FER: variants seen among roughly 807,000 people sequenced by gnomAD.
FER encodes FER tyrosine kinase.
FER carries 63 observed loss-of-function variants against 111.0 expected under a neutral mutation model. The observed-to-expected ratio is 0.57, with a 90% CI of 0.46 to 0.70. The LOEUF is 0.70. Ranked by LOEUF, FER falls within the 30% of genes least tolerant of loss-of-function variation. The pLI, the probability that FER is intolerant of heterozygous loss-of-function variation, is 0.00. For synonymous variants in FER, 327 were observed against 313.9 expected (o/e 1.04, Z -0.44); for missense variants, 914 against 954.0 (o/e 0.96, Z 0.55).
intron 17 of FER, among the ~76,000 whole-genome samples, chr5:109,145,847 G>C (rs1009600101): frequency 6.6e-6 from 1 of 151,624 alleles, no homozygotes; most frequent in African/African-American, 2.4e-5. Context: ...TTAAGGCCTT[G>C]AGTAGATGTG....
intron 17 of FER, among the ~76,000 whole-genome samples, chr5:109,157,675 T>C (rs796175516): frequency 2.6e-4 from 40 of 152,326 alleles, no homozygotes; most frequent in African/African-American, 8.9e-4. Context: ...TATGGAATTT[T>C]CATTATTTCT....
At chr5:109,100,299 A>G (rs1748070826) in intron 16 of FER, 97 bp from the exon 17 acceptor site, 3 of 1,456,884 alleles carry the variant, frequency 2.1e-6, no homozygotes, top group South Asian at 2.4e-5. Flanking sequence ...TGTGTAATGC[A>G]TTTTGCTCTG....
intron 17 of FER, among the ~76,000 whole-genome samples, chr5:109,129,975 G>A (rs1279968498): frequency 1.3e-5 from 2 of 151,782 alleles, no homozygotes; most frequent in South Asian, 4.2e-4. Context: ...GTTGTAGTAT[G>A]CTGTAATTTT....
chr5:109,002,508 A>G (rs1300945061), intron 13 of FER, among the ~76,000 whole-genome samples: 3 of 152,034 alleles, frequency 2.0e-5, no homozygotes, highest in Admixed American at 1.3e-4. Context: ...TAGACCTAAA[A>G]CCATAAAAAC....
Position 109,186,358 on chromosome 5 carries a change from C to T in FER, c.2326+36C>T, listed in dbSNP as rs188686272. On this transcript the variant is annotated intron_variant, in intron 19 of 19. Coordinates refer to ENST00000281092, the MANE Select transcript of FER (RefSeq NM_005246.4). ...TACATTCATTGTTAGTGTTCATGTC[C>T]AGCCCCAGGGGTAGGCAGTGCTTAT... 3.3e-3 allele frequency: 5,387 copies of T among 1,613,862 alleles called. 18 individuals carry two copies. Among genetic ancestry groups the T allele is most frequent in the Non-Finnish European group, 3.9e-3 (4,574 of 1,179,866 alleles).
At chr5:108,857,218 T>A (rs2150204115) in intron 5 of FER, among the ~76,000 whole-genome samples, 1 of 152,278 alleles carries the variant, frequency 6.6e-6, no homozygotes, top group East Asian at 1.9e-4. Context: ...TTGTCATATC[T>A]TTTTAGTTGC....
chr5:109,170,551 A>G (rs961268864), intron 17 of FER, among the ~76,000 whole-genome samples: 3 of 152,148 alleles, frequency 2.0e-5, no homozygotes, highest in Admixed American at 2.0e-4. Context: ...AAAGACATCT[A>G]TGCCTCTGAG....
intron 10 of FER, among the ~76,000 whole-genome samples, chr5:108,925,173 T>C (rs1474292599): frequency 6.6e-6 from 1 of 151,222 alleles, no homozygotes; most frequent in African/African-American, 2.4e-5. Flanking sequence ...TCCTCAAATA[T>C]TCAACAAAGA....
intron 2 of FER, among the ~76,000 whole-genome samples, chr5:108,792,155 G>T (rs1205188463): frequency 6.6e-6 from 1 of 152,106 alleles, no homozygotes; most frequent in Non-Finnish European, 1.5e-5. Context: ...GTTATTTCAT[G>T]TTATTTTGGC....
chr5:108,775,146 G>T (rs11949596), intron 2 of FER, among the ~76,000 whole-genome samples: 9,249 of 152,248 alleles, frequency 0.061, 317 homozygotes, highest in Middle Eastern at 0.075. Context: ...TATTGACTAG[G>T]AGATCCTTTC....
At position 108,948,177 on chromosome 5, in the gene FER, C is replaced by T. The variant is rs1295835751; in HGVS notation, c.1329+1955C>T. The stretch of plus-strand genomic sequence containing the variant: ...AGAATTAATCGCAATGGTATTTTTA[C>T]TGGACGTGACATAACGATTTACCTC... On this transcript the variant is annotated intron_variant, in intron 11 of 19. Transcript: ENST00000281092. Among the ~76,000 whole-genome samples the T allele has an allele frequency of 2.8e-4, 42 of 152,016 alleles. 1 individual carries two copies. Among genetic ancestry groups the T allele is most frequent in the Admixed American group, 2.8e-3 (42 of 15,248 alleles).
At chr5:108,763,327 G>A (rs147608957) in intron 1 of FER, among the ~76,000 whole-genome samples, 26 of 152,328 alleles carry the variant, frequency 1.7e-4, no homozygotes, top group African/African-American at 5.5e-4. Flanking sequence ...AGTAAAAGCA[G>A]TGGCCAGAGA....
At chr5:109,028,088 A>T (rs765866260) in intron 13 of FER, among the ~76,000 whole-genome samples, 4 of 152,176 alleles carry the variant, frequency 2.6e-5, no homozygotes, top group Non-Finnish European at 1.5e-5. Flanking sequence ...AATAAGTGGT[A>T]TAGAGACCGA....
chr5:108,761,394 A>G (rs1048150070), intron 1 of FER, among the ~76,000 whole-genome samples: 1 of 152,188 alleles, frequency 6.6e-6, no homozygotes, highest in Non-Finnish European at 1.5e-5. Context: ...AAGTCCAAGA[A>G]GAAGGAGAGG....
At chr5:109,134,035 A>C (rs1752636694) in intron 17 of FER, among the ~76,000 whole-genome samples, 1 of 152,016 alleles carries the variant, frequency 6.6e-6, no homozygotes, top group Admixed American at 6.6e-5. Context: ...ATAGATAAAT[A>C]ATTTTTCTAT....
chr5:108,928,375 A>T (rs1291518006), intron 10 of FER, among the ~76,000 whole-genome samples: 1 of 152,238 alleles, frequency 6.6e-6, no homozygotes, highest in Non-Finnish European at 1.5e-5. Context: ...TGGCAATCAT[A>T]TCACAAAATA....
rs1454832817 is a variant in FER at position 109,108,972 on chromosome 5, C to T, written c.2048+8453C>T. Among the ~76,000 whole-genome samples, 4 of 152,264 alleles carry T rather than the reference C, an allele frequency of 2.6e-5. No individual in the cohort carries two copies. The South Asian group carries it at 8.3e-4, about 32-fold the overall frequency. ...CATCATTTTATTAAATACAAAAGCA[C>T]TACAAGAAATCCTTTTCAGTCCCAG... On this transcript the variant is annotated intron_variant, in intron 17 of 19. Coordinates refer to ENST00000281092, the MANE Select transcript of FER (RefSeq NM_005246.4).
intron 17 of FER, among the ~76,000 whole-genome samples, chr5:109,178,357 A>G (rs1303426045): frequency 6.6e-6 from 1 of 152,218 alleles, no homozygotes; most frequent in African/African-American, 2.4e-5. Flanking sequence ...CTCTCATAGA[A>G]CCGTGATTCT....
intron 6 of FER, among the ~76,000 whole-genome samples, chr5:108,869,774 C>G (rs939459154): frequency 6.6e-6 from 1 of 152,090 alleles, no homozygotes; most frequent in African/African-American, 2.4e-5. Context: ...GCAAATTTGT[C>G]TTTGCTGCCT....
Sources: gnomAD v4.1 joint callset for allele counts (sites outside exome capture counted in the v4.1 genomes callset) on GRCh38, gnomAD v4.1.1 for gene constraint, MANE v1.5 for transcripts, NCBI Gene and HGNC (gene_info 2026-07-23, HGNC 2026-07-21) for gene names.